MARCHF1: variants seen among roughly 807,000 people sequenced by gnomAD.
The protein encoded by MARCHF1 is E3 ubiquitin-protein ligase MARCHF1.
In MARCHF1, 40 loss-of-function variants were observed where a neutral mutation model predicts 54.2. The ratio of observed to expected loss-of-function variants is 0.74; its 90% CI spans 0.57 to 0.96. The LOEUF (loss-of-function observed/expected upper bound fraction) is 0.96, where lower values mean the gene tolerates loss of function less well. Among genes scored for constraint, MARCHF1 ranks in the 40% least tolerant of loss-of-function variants. The pLI is 0.00. For synonymous variants in MARCHF1, 236 were observed against 236.3 expected, an observed-to-expected ratio of 1.00 and a Z score of 0.01; for missense variants, 586 against 656.5, an observed-to-expected ratio of 0.89 and a Z score of 1.17.
intron 1 of MARCHF1, among the ~76,000 whole-genome samples, chr4:164,150,560 C>T (rs577744020): frequency 6.6e-6 from 1 of 152,144 alleles, no homozygotes; most frequent in South Asian, 2.1e-4. Flanking sequence ...TGGTCTTGAG[C>T]TTGGTCCTGT....
At chr4:163,780,286 G>A (rs1056659861) in intron 4 of MARCHF1, among the ~76,000 whole-genome samples, 1 of 152,194 alleles carries the variant, frequency 6.6e-6, no homozygotes, top group African/African-American at 2.4e-5. Context: ...AGGTGTGCAT[G>A]GAAAGCTGTC....
chr4:163,977,255 A>T (rs1180551249), intron 3 of MARCHF1, among the ~76,000 whole-genome samples: 1 of 152,072 alleles, frequency 6.6e-6, no homozygotes, highest in Non-Finnish European at 1.5e-5. Flanking sequence ...AATTATCTGT[A>T]AATGCTGTTT....
intron 1 of MARCHF1, among the ~76,000 whole-genome samples, chr4:164,156,689 A>G (rs1730085863): frequency 6.6e-6 from 1 of 152,146 alleles, no homozygotes; most frequent in South Asian, 2.1e-4. Context: ...ACAGGCTCCC[A>G]AAGTGCTGGG....
At chr4:164,015,931 C>T (rs1753531604) in intron 2 of MARCHF1, among the ~76,000 whole-genome samples, 2 of 151,592 alleles carry the variant, frequency 1.3e-5, no homozygotes, top group Admixed American at 1.3e-4. Context: ...ACAGAACTAC[C>T]ATGTGATCCA....
intron 1 of MARCHF1, among the ~76,000 whole-genome samples, chr4:164,201,842 T>TATA (rs1448514898): frequency 6.6e-6 from 1 of 152,210 alleles, no homozygotes; most frequent in African/African-American, 2.4e-5. Flanking sequence ...TAGTATAATG[T>TATA]ATAAGGCTTT....
At chr4:163,585,554 A>G (rs1457350564) in intron 8 of MARCHF1, 195 bp downstream of exon 8, 2 of 417,928 alleles carry the variant, frequency 4.8e-6, no homozygotes, top group Non-Finnish European at 4.2e-6. Context: ...AAGCTCTAGA[A>G]TATAAAACAT....
intron 9 of MARCHF1, among the ~76,000 whole-genome samples, chr4:163,537,060 A>C (rs1738560216): frequency 6.6e-6 from 1 of 152,160 alleles, no homozygotes; most frequent in African/African-American, 2.4e-5. Context: ...TCTTTAACAG[A>C]CAGCCAGCTC....
chr4:163,898,614 A>G (rs1475566047), intron 3 of MARCHF1, among the ~76,000 whole-genome samples: 2 of 152,160 alleles, frequency 1.3e-5, no homozygotes, highest in Non-Finnish European at 2.9e-5. Flanking sequence ...CCTCTCTGGA[A>G]AACAGTGTGA....
rs568297549 is a variant in MARCHF1, at chr4:163,781,193, A to G, written c.111+72828T>C. 2.6e-3 allele frequency among the ~76,000 whole-genome samples: 392 copies of G among 152,298 alleles called. 4 individuals are homozygous for G. The highest frequency in any genetic ancestry group is 8.9e-3 in the African/African-American group (370 of 41,564). ...CGATGAAACCCCGTCTCTACTGAAAATACAAAAATTAGCCAGGCGTGGTGG... is the reference window on the plus strand; with the variant it reads ...CGATGAAACCCCGTCTCTACTGAAAGTACAAAAATTAGCCAGGCGTGGTGG... On this transcript the variant is annotated intron_variant, in intron 4 of 9. Coordinates refer to ENST00000514618, the MANE Select transcript of MARCHF1 (RefSeq NM_001394959.1).
At chr4:164,235,411 C>A (rs1419327728) in intron 1 of MARCHF1, among the ~76,000 whole-genome samples, 1 of 152,106 alleles carries the variant, frequency 6.6e-6, no homozygotes, top group Non-Finnish European at 1.5e-5. Flanking sequence ...GAAATTGAGT[C>A]CTGTTGTTTT....
intron 3 of MARCHF1, among the ~76,000 whole-genome samples, chr4:163,923,914 C>T (rs1279722486): frequency 6.6e-6 from 1 of 151,528 alleles, no homozygotes; most frequent in African/African-American, 2.4e-5. Context: ...TAAATGGATA[C>T]TTTATTTTTA....
chr4:163,813,503 A>C (rs1560767249), intron 4 of MARCHF1, among the ~76,000 whole-genome samples: 1 of 152,172 alleles, frequency 6.6e-6, no homozygotes, highest in African/African-American at 2.4e-5. Flanking sequence ...TATTACACAC[A>C]TCTGACTTCT....
intron 1 of MARCHF1, among the ~76,000 whole-genome samples, chr4:164,220,212 C>CTA (rs34363771): frequency 2.4e-4 from 36 of 147,690 alleles, no homozygotes; most frequent in East Asian, 1.6e-3. Context: ...GTATATATTC[C>CTA]TATATATATA....
At chr4:163,698,136 T>A (rs1744692743) in intron 5 of MARCHF1, among the ~76,000 whole-genome samples, 1 of 152,184 alleles carries the variant, frequency 6.6e-6, no homozygotes, top group Non-Finnish European at 1.5e-5. Flanking sequence ...GTTACTCTGC[T>A]GTCCATCCAA....
chr4:164,348,353 C>T (rs189177608), intron 1 of MARCHF1, among the ~76,000 whole-genome samples: 1 of 152,216 alleles, frequency 6.6e-6, no homozygotes, highest in East Asian at 1.9e-4. Flanking sequence ...AATAGAGATA[C>T]AATATTTATT....
chr4:163,687,288 C>T (rs1255667427), intron 5 of MARCHF1, among the ~76,000 whole-genome samples: 1 of 150,318 alleles, frequency 6.7e-6, no homozygotes, highest in Admixed American at 6.6e-5. Context: ...AGTGCAGTGG[C>T]GCTATCTCGG....
At chr4:164,344,458 T>TTGTG (rs144379635) in intron 1 of MARCHF1, among the ~76,000 whole-genome samples, 8,433 of 148,044 alleles carry the variant, frequency 0.057, 420 homozygotes, top group East Asian at 0.23. Flanking sequence ...ATGCACGTGT[T>TTGTG]TGTGTGTGTG....
intron 1 of MARCHF1, among the ~76,000 whole-genome samples, chr4:164,359,511 C>A (rs967587283): frequency 5.9e-5 from 9 of 152,098 alleles, no homozygotes; most frequent in African/African-American, 2.2e-4. Flanking sequence ...TTCTGATACG[C>A]TGTATGTACA....
intron 1 of MARCHF1, among the ~76,000 whole-genome samples, chr4:164,136,213 G>C (rs911344907): frequency 7.0e-6 from 1 of 142,418 alleles, no homozygotes; most frequent in Non-Finnish European, 1.5e-5. Context: ...CCCACAGCAA[G>C]AGTGCCTTTG....
Sources: gnomAD v4.1 joint callset for allele counts (sites outside exome capture counted in the v4.1 genomes callset) on GRCh38, gnomAD v4.1.1 for gene constraint, MANE v1.5 for transcripts, NCBI Gene and HGNC (gene_info 2026-07-23, HGNC 2026-07-21) for gene names.